ANKS1B: variants seen among roughly 807,000 people sequenced by gnomAD.
ANKS1B encodes ankyrin repeat and sterile alpha motif domain containing 1B, also known as ankyrin repeat and sterile alpha motif domain-containing protein 1B.
A neutral mutation model predicts 148.3 loss-of-function variants in ANKS1B; 36 were observed. That is an observed-to-expected ratio of 0.24 (90% CI 0.19 to 0.32). The LOEUF is 0.32. Among genes scored for constraint, ANKS1B ranks in the 10% least tolerant of loss-of-function variants. The pLI is 1.00. For missense variants in ANKS1B, 1,157 were observed against 1,542.6 expected (o/e 0.75, Z 4.19); for synonymous variants, 542 against 560.8 (o/e 0.97, Z 0.47).
At chr12:98,967,174 A>G (rs2099878852) in intron 17 of ANKS1B, among the ~76,000 whole-genome samples, 1 of 152,176 alleles carries the variant, frequency 6.6e-6, no homozygotes, top group Non-Finnish European at 1.5e-5. Context: ...GAAACTACCT[A>G]AAGGCTCCTT....
In ANKS1B at chr12:98,744,337, C is replaced by CTGA. The variant is rs1163716941; in HGVS notation, c.*1399_*1401dup. ...AAAACTCACCAACTGATGAATGTAA[C>CTGA]TGATCATCTCAGTTAGGTTTAAAAT... is the stretch of plus-strand genomic sequence containing the variant. On this transcript the variant is annotated 3_prime_UTR_variant, in exon 27 of 27. Transcript: ENST00000683438. 4.4e-6 allele frequency: 4 copies of CTGA among 913,032 alleles called. No individual in the cohort carries two copies. The highest frequency in any genetic ancestry group is 5.2e-6 in the Non-Finnish European group (4 of 763,774). 56.6% of individuals were successfully genotyped at this position (913,032 alleles called of 1,614,324 possible). A position where few individuals can be genotyped will look rare whatever the true frequency, so the allele number is the denominator to read the frequency against.
intron 17 of ANKS1B, among the ~76,000 whole-genome samples, chr12:98,887,347 T>C (rs2099742408): frequency 6.6e-6 from 1 of 152,200 alleles, no homozygotes. Context: ...TCCCATGCCC[T>C]GGAAGGGGTC....
At chr12:99,512,258 C>T (rs186925278) in intron 9 of ANKS1B, among the ~76,000 whole-genome samples, 2 of 151,976 alleles carry the variant, frequency 1.3e-5, no homozygotes, top group South Asian at 2.1e-4. Context: ...CATAAACAGA[C>T]GCTTCTCAAA....
At chr12:99,608,552 C>T (rs1425720240) in intron 9 of ANKS1B, among the ~76,000 whole-genome samples, 2 of 152,084 alleles carry the variant, frequency 1.3e-5, no homozygotes, top group African/African-American at 4.8e-5. Flanking sequence ...ACTGGTCAAC[C>T]ACCATGAATC....
chr12:98,836,150 T>C (rs2153707503), intron 17 of ANKS1B, among the ~76,000 whole-genome samples: 1 of 152,298 alleles, frequency 6.6e-6, no homozygotes, highest in South Asian at 2.1e-4. Context: ...CCTCTATACC[T>C]TTTGACCTTT....
At chr12:99,924,623 C>T (rs1000600621) in intron 1 of ANKS1B, among the ~76,000 whole-genome samples, 5 of 152,102 alleles carry the variant, frequency 3.3e-5, no homozygotes, top group African/African-American at 9.7e-5. Flanking sequence ...CATGTCATGA[C>T]AGCAAAGCCC....
At chr12:98,890,961 T>A (rs1166003597) in intron 17 of ANKS1B, among the ~76,000 whole-genome samples, 1 of 152,208 alleles carries the variant, frequency 6.6e-6, no homozygotes, top group African/African-American at 2.4e-5. Context: ...TAGAATATGG[T>A]AAAGTTGCGT....
intron 9 of ANKS1B, among the ~76,000 whole-genome samples, chr12:99,644,974 G>C (rs780626330): frequency 1.3e-5 from 2 of 152,074 alleles, no homozygotes; most frequent in Non-Finnish European, 2.9e-5. Flanking sequence ...AGACCACTGT[G>C]ATTACACCGG....
intron 17 of ANKS1B, among the ~76,000 whole-genome samples, chr12:98,941,827 G>C (rs982707763): frequency 5.3e-5 from 8 of 152,312 alleles, no homozygotes; most frequent in Middle Eastern, 3.4e-3. Context: ...GTGATGGGCA[G>C]AATATATATA....
At chr12:99,618,942 A>G (rs1327773049) in intron 9 of ANKS1B, among the ~76,000 whole-genome samples, 1 of 152,140 alleles carries the variant, frequency 6.6e-6, no homozygotes, top group African/African-American at 2.4e-5. Flanking sequence ...AGTAGTCGGC[A>G]CTGGAATTGT....
At chr12:98,929,396 G>C (rs888696297) in intron 17 of ANKS1B, among the ~76,000 whole-genome samples, 1 of 151,900 alleles carries the variant, frequency 6.6e-6, no homozygotes, top group Non-Finnish European at 1.5e-5. Context: ...TAGTATCTCA[G>C]CTGCCTTATT....
chr12:99,244,730 A>G (rs1258610151), intron 13 of ANKS1B, among the ~76,000 whole-genome samples: 2 of 152,228 alleles, frequency 1.3e-5, no homozygotes, highest in African/African-American at 4.8e-5. Context: ...GAAGGACTGT[A>G]GATAAATTCA....
At chr12:99,121,364 C>T (rs1306120412) in intron 15 of ANKS1B, among the ~76,000 whole-genome samples, 2 of 74,764 alleles carry the variant, frequency 2.7e-5, no homozygotes, top group African/African-American at 7.4e-5. Flanking sequence ...TGTGTATTTT[C>T]CCCCCAAATA....
intron 4 of ANKS1B, among the ~76,000 whole-genome samples, chr12:99,799,496 T>C (rs1430754819): frequency 1.3e-5 from 2 of 152,136 alleles, no homozygotes; most frequent in Non-Finnish European, 2.9e-5. Flanking sequence ...TTATTTTCTG[T>C]CATCCCTACT....
chr12:99,343,258 C>A (rs957442686), intron 12 of ANKS1B, among the ~76,000 whole-genome samples: 2 of 151,968 alleles, frequency 1.3e-5, no homozygotes, highest in Non-Finnish European at 2.9e-5. Flanking sequence ...AGTAGCAGTC[C>A]AGCCTCTCTA....
chr12:99,766,044 G>A (rs2062613911), intron 8 of ANKS1B, among the ~76,000 whole-genome samples: 1 of 152,144 alleles, frequency 6.6e-6, no homozygotes, highest in Non-Finnish European at 1.5e-5. Context: ...CATCATGATT[G>A]CTGGGAAAAA....
At chr12:99,017,049 G>C (rs904191576) in intron 17 of ANKS1B, among the ~76,000 whole-genome samples, 1 of 152,124 alleles carries the variant, frequency 6.6e-6, no homozygotes, top group Admixed American at 6.5e-5. Context: ...CATTGTATTT[G>C]ATGGGGTTGA....
intron 9 of ANKS1B, among the ~76,000 whole-genome samples, chr12:99,574,294 G>A (rs1424278719): frequency 6.6e-6 from 1 of 151,996 alleles, no homozygotes; most frequent in Non-Finnish European, 1.5e-5. Context: ...GTAAATCTTA[G>A]TTGTAGAGTC....
At chr12:99,073,485 T>G (rs150722391) in intron 16 of ANKS1B, among the ~76,000 whole-genome samples, 1 of 152,352 alleles carries the variant, frequency 6.6e-6, no homozygotes, top group African/African-American at 2.4e-5. Context: ...CAGCACAGTA[T>G]GCTATCAGTG....
Sources: gnomAD v4.1 joint callset for allele counts (sites outside exome capture counted in the v4.1 genomes callset) on GRCh38, gnomAD v4.1.1 for gene constraint, MANE v1.5 for transcripts, NCBI Gene and HGNC (gene_info 2026-07-23, HGNC 2026-07-21) for gene names.